ST3GAL4: variants seen among roughly 807,000 people sequenced by gnomAD.
The protein encoded by ST3GAL4 is ST3 beta-galactoside alpha-2,3-sialyltransferase 4.
Under a neutral mutation model 42.6 loss-of-function variants are expected in ST3GAL4, and 24 were observed. The ratio of observed to expected loss-of-function variants is 0.56; its 90% CI spans 0.41 to 0.79. ST3GAL4 has a LOEUF of 0.79. Among genes scored for constraint, ST3GAL4 ranks in the 30% least tolerant of loss-of-function variants. The pLI, the probability that ST3GAL4 is intolerant of heterozygous loss-of-function variation, is 0.00. For missense variants in ST3GAL4, 311 were observed against 430.8 expected (o/e 0.72, Z 2.46); for synonymous variants, 135 against 163.2 (o/e 0.83, Z 1.32).
chr11:126,367,994 A>G (rs1305595805), intron 1 of ST3GAL4, among the ~76,000 whole-genome samples: 3 of 152,054 alleles, frequency 2.0e-5, no homozygotes, highest in Non-Finnish European at 4.4e-5. Flanking sequence ...CTAAAAGTAC[A>G]ACAATTAGCT....
chr11:126,372,438 CAG>C (rs1428208340), intron 1 of ST3GAL4, among the ~76,000 whole-genome samples: 1 of 145,994 alleles, frequency 6.8e-6, no homozygotes, highest in Non-Finnish European at 1.5e-5. Context: ...TTTTCTGAGA[CAG>C]AGTTTCGCTC....
intron 1 of ST3GAL4, among the ~76,000 whole-genome samples, chr11:126,395,630 C>T (rs554808662): frequency 2.0e-5 from 3 of 152,156 alleles, no homozygotes; most frequent in East Asian, 3.9e-4. Flanking sequence ...GTGGTGTTCT[C>T]CCCCAAGTTG....
rs117459192 is a variant in ST3GAL4, at chr11:126,400,568, C to T, written c.-60-5528C>T. 1.1e-3 allele frequency among the ~76,000 whole-genome samples: 163 copies of T among 152,282 alleles called. No homozygotes were observed. The highest frequency in any genetic ancestry group is 1.8e-3 in the Non-Finnish European group (120 of 68,036). On this transcript the variant is annotated intron_variant, in intron 1 of 10. Transcript: ENST00000444328. This position sits in a 1 kb window ranked among gnomAD's most constrained non-coding sequence, Gnocchi z 4.6. ...GAGATGCGTTTGCAGTTCTCATGGC[C>T]GCAGACTGAAGGGGCCTGGTTACCT... is the stretch of plus-strand genomic sequence containing the variant.
At chr11:126,404,123 G>A (rs981554766) in intron 1 of ST3GAL4, among the ~76,000 whole-genome samples, 1 of 152,222 alleles carries the variant, frequency 6.6e-6, no homozygotes. Context: ...GGCTTGACCA[G>A]TGCTTCTCAA....
At position 126,373,833 on chromosome 11, in the gene ST3GAL4, G is replaced by A. The variant is rs112186835; in HGVS notation, c.-61+17991G>A. 0.02 allele frequency among the ~76,000 whole-genome samples: 3,015 copies of A among 152,086 alleles called. 104 individuals are homozygous for A. The highest frequency in any genetic ancestry group is 0.068 in the African/African-American group (2,799 of 41,458). Reference sequence around the variant, plus strand: ...CCAGGAAGCCTCCCCGTGCCCAGGCGTGCTGTGATCACAGTGTTCAATGAT... The same window carrying A: ...CCAGGAAGCCTCCCCGTGCCCAGGCATGCTGTGATCACAGTGTTCAATGAT... On this transcript the variant is annotated intron_variant, in intron 1 of 10. Transcript: ENST00000444328. This position sits in a 1 kb window ranked among gnomAD's most constrained non-coding sequence, Gnocchi z 5.5.
At chr11:126,381,716 G>C (rs956390574) in intron 1 of ST3GAL4, among the ~76,000 whole-genome samples, 1 of 151,522 alleles carries the variant, frequency 6.6e-6, no homozygotes, top group African/African-American at 2.4e-5. Flanking sequence ...AGGCTGAGGA[G>C]GGGCCGTGGG....
chr11:126,387,879 A>G (rs565427386), intron 1 of ST3GAL4, among the ~76,000 whole-genome samples: 2 of 152,248 alleles, frequency 1.3e-5, no homozygotes, highest in East Asian at 1.9e-4. Flanking sequence ...GGAGATATGG[A>G]TATCGTTGTT....
chr11:126,373,952 G>T lies in ST3GAL4; in HGVS notation c.-61+18110G>T, dbSNP rs186221238. 2.0e-5 allele frequency among the ~76,000 whole-genome samples: 3 copies of T among 152,286 alleles called. No individual in the cohort carries two copies. The East Asian group carries it at 5.8e-4, about 29-fold the overall frequency. ...CTGCCTCTTCCACTCTGTTCCACCT[G>T]CACTGGAGCGATGCTATCCGATGAA... On this transcript the variant is annotated intron_variant, in intron 1 of 10. Transcript: ENST00000444328. The surrounding 1 kb of genome is among the most constrained non-coding windows in gnomAD (Gnocchi z 5.5).
In ST3GAL4 at chr11:126,413,955, C is replaced by T. The variant is rs373788432; in HGVS notation, c.916-6C>T. The T allele has an allele frequency of 3.1e-6, 5 of 1,614,078 alleles. No homozygotes were observed. The African/African-American group carries it at 5.3e-5, about 17-fold the overall frequency. ...CCTCAGTTTATTTCCTTGGCTGTCTCCACAGGGGTCAGGCCATAATGTCTC... is the reference window on the plus strand; with the variant it reads ...CCTCAGTTTATTTCCTTGGCTGTCTTCACAGGGGTCAGGCCATAATGTCTC... On this transcript the variant is annotated splice_region_variant and splice_polypyrimidine_tract_variant and intron_variant, in intron 10 of 10. Transcript: ENST00000444328.
In ST3GAL4 at chr11:126,408,439, A is replaced by G. The variant is rs895601495; in HGVS notation, c.570A>G (p.Val190=). 6.2e-7 allele frequency: 1 copy of G among 1,614,108 alleles called. No homozygotes were observed. The highest frequency in any genetic ancestry group is 1.3e-5 in the African/African-American group (1 of 74,934). The change falls in exon 8 of 11, where the codon GTA becomes GTG. Residue 190 remains valine (V), a synonymous_variant. Coordinates refer to ENST00000444328, the MANE Select transcript of ST3GAL4 (RefSeq NM_001254757.2). The stretch of plus-strand genomic sequence containing the variant: ...ACCCAGACACACTCCTCGTCCTGGT[A>G]GCTTTCAAGGCAATGGACTTCCACT... ...ENNPDTLLVL[V]AFKAMDFHWI... is the part of the protein sequence containing the mutation.
Position 126,398,777 on chromosome 11 carries a change from G to A in ST3GAL4, c.-60-7319G>A, listed in dbSNP as rs912616260. 5.9e-5 allele frequency among the ~76,000 whole-genome samples: 9 copies of A among 152,350 alleles called. No homozygotes were observed. Among genetic ancestry groups the A allele is most frequent in the African/African-American group, 2.2e-4 (9 of 41,578 alleles). On this transcript the variant is annotated intron_variant, in intron 1 of 10. Transcript: ENST00000444328. This position sits in a 1 kb window ranked among gnomAD's most constrained non-coding sequence, Gnocchi z 4.7. ...TGTACTCTGGTGGCATTAGGACCATGTGGGATGCCACCAAGACTCACCACT... is the reference window on the plus strand; with the variant it reads ...TGTACTCTGGTGGCATTAGGACCATATGGGATGCCACCAAGACTCACCACT...
At position 126,363,942 on chromosome 11, in the gene ST3GAL4, C is replaced by A. The variant is rs1483898133; in HGVS notation, c.-61+8100C>A. Among the ~76,000 whole-genome samples the A allele has an allele frequency of 4.6e-5, 7 of 152,240 alleles. No homozygotes were observed. The highest frequency in any genetic ancestry group is 6.5e-5 in the Admixed American group (1 of 15,290). On this transcript the variant is annotated intron_variant, in intron 1 of 10. Coordinates refer to ENST00000444328, the MANE Select transcript of ST3GAL4 (RefSeq NM_001254757.2). This position sits in a 1 kb window ranked among gnomAD's most constrained non-coding sequence, Gnocchi z 4.6. ...GCCTCTGTTGGCTTTGTGACCCTCGCTTTGTACTGTGGCTTTGTTCTGCCT... is the reference window on the plus strand; with the variant it reads ...GCCTCTGTTGGCTTTGTGACCCTCGATTTGTACTGTGGCTTTGTTCTGCCT...
At position 126,400,516 on chromosome 11, in the gene ST3GAL4, C is replaced by T. The variant is rs1480507152; in HGVS notation, c.-60-5580C>T. 6.6e-6 allele frequency among the ~76,000 whole-genome samples: 1 copy of T among 152,122 alleles called. No homozygotes were observed. The highest frequency in any genetic ancestry group is 1.5e-5 in the Non-Finnish European group (1 of 68,026). On this transcript the variant is annotated intron_variant, in intron 1 of 10. Coordinates refer to ENST00000444328, the MANE Select transcript of ST3GAL4 (RefSeq NM_001254757.2). The surrounding 1 kb of genome is among the most constrained non-coding windows in gnomAD (Gnocchi z 4.6). ...CTACAGTGGGAGGGAAAAGGTGGCT[C>T]CCTTAGTGTGCTTGGGAGGAGGGTA...
At chr11:126,408,573 T>C in intron 8 of ST3GAL4, 77 bp downstream of exon 8, 2 of 1,529,364 alleles carry the variant, frequency 1.3e-6, no homozygotes, top group Non-Finnish European at 8.9e-7. Context: ...CGCTCCTTGA[T>C]GTCCGCCTGG....
Position 126,406,919 on chromosome 11 carries a change from C to T in ST3GAL4, c.102-24C>T, listed in dbSNP as rs1315966949. 1 of 1,608,264 alleles carries T rather than the reference C, an allele frequency of 6.2e-7. No individual in the cohort carries two copies. On this transcript the variant is annotated intron_variant, in intron 3 of 10. Coordinates refer to ENST00000444328, the MANE Select transcript of ST3GAL4 (RefSeq NM_001254757.2). The surrounding 1 kb of genome is among the most constrained non-coding windows in gnomAD (Gnocchi z 5.4). The stretch of plus-strand genomic sequence containing the variant: ...TCCCTGGGTCTGACTGGGGCTTCTG[C>T]CTCCTGTCCTTTTTTCTCTCCAGTT...
intron 1 of ST3GAL4, among the ~76,000 whole-genome samples, chr11:126,382,500 C>T (rs1953046875): frequency 1.3e-5 from 2 of 150,886 alleles, no homozygotes; most frequent in Admixed American, 1.3e-4. Flanking sequence ...GACTGAGGGC[C>T]GAGCTCTTCC....
At chr11:126,375,096 C>A (rs1337128778) in intron 1 of ST3GAL4, 3 of 152,264 alleles carry the variant, frequency 2.0e-5, no homozygotes, top group African/African-American at 7.2e-5. Flanking sequence ...GAGTCCGCAG[C>A]CCGGGAGACC....
chr11:126,407,090 T>A, intron 4 of ST3GAL4, 67 bp downstream of exon 4: 1 of 1,534,802 alleles, frequency 6.5e-7, no homozygotes, highest in Non-Finnish European at 9.0e-7. Flanking sequence ...GGTTTCACAG[T>A]GTGGGGAGTA....
intron 5 of ST3GAL4, 36 bp downstream of exon 5, chr11:126,407,385 C>A (rs767556622): frequency 9.2e-5 from 147 of 1,601,016 alleles, no homozygotes; most frequent in Non-Finnish European, 1.1e-4. Context: ...ACCATGGGCT[C>A]ACCCTGACCA....
Sources: allele counts gnomAD v4.1 joint callset (sites outside exome capture counted in the v4.1 genomes callset), GRCh38; gene constraint gnomAD v4.1.1; non-coding constraint Gnocchi (gnomAD v3.1); transcripts MANE v1.5; gene names NCBI Gene and HGNC (gene_info 2026-07-23, HGNC 2026-07-21).